Variants in MRE11 observed in about 807,000 individuals in gnomAD.
The protein encoded by MRE11 is MRE11 double strand break repair nuclease.
MRE11 carries 62 observed loss-of-function variants against 91.7 expected under a neutral mutation model. That is an observed-to-expected ratio of 0.68 (90% CI 0.55 to 0.84). The LOEUF (loss-of-function observed/expected upper bound fraction) is 0.84. MRE11 is among the 40% of genes least tolerant of loss of function. MRE11 has a pLI of 0.00. For missense variants in MRE11, 796 were observed against 852.9 expected, an observed-to-expected ratio of 0.93 and a Z score of 0.83; for synonymous variants, 273 against 271.4, an observed-to-expected ratio of 1.01 and a Z score of -0.06.
intron 4 of MRE11, among the ~76,000 whole-genome samples, chr11:94,481,538 A>G (rs1947012843): frequency 6.6e-6 from 1 of 152,208 alleles, no homozygotes; most frequent in Non-Finnish European, 1.5e-5. Context: ...TGCAAAGACA[A>G]ATGTATGAAT....
chr11:94,498,537 T>A, upstream of MRE11: 1 of 1,597,432 alleles, frequency 6.3e-7, no homozygotes, highest in Non-Finnish European at 8.5e-7. Flanking sequence ...TCTTAACAAT[T>A]CTAGTAATTT....
In MRE11 at chr11:94,470,457, T is replaced by C; in HGVS notation, c.1017+14A>G. The stretch of plus-strand genomic sequence containing the variant: ...ACTAAAGTAGATCTCATTGACTTTA[T>C]CAAAAAGAATTACCTTCTCCAAACA... On this transcript the variant is annotated intron_variant, in intron 9 of 19. Transcript: ENST00000323929. 1 of 1,610,776 alleles carries C rather than the reference T, an allele frequency of 6.2e-7. No homozygotes were observed. Among genetic ancestry groups the C allele is most frequent in the Non-Finnish European group, 8.5e-7 (1 of 1,177,620 alleles).
At chr11:94,497,057 G>T, upstream of MRE11, 1 of 1,452,686 alleles carries the variant, frequency 6.9e-7, no homozygotes, top group Non-Finnish European at 9.5e-7. Context: ...TCTCTTGATT[G>T]TGAGGACCAA....
chr11:94,503,545 C>T, the MRE11 span, among the ~76,000 whole-genome samples: 1 of 151,990 alleles, frequency 6.6e-6, no homozygotes, highest in Non-Finnish European at 1.5e-5. Context: ...AAAAAATTAG[C>T]TGGGCATGGT....
At chr11:94,506,689 A>C in the MRE11 span, among the ~76,000 whole-genome samples, 3 of 151,770 alleles carry the variant, frequency 2.0e-5, no homozygotes, top group African/African-American at 4.8e-5. Flanking sequence ...CCTGGACTCA[A>C]CTGATCCTCC....
At chr11:94,438,830 T>C (rs1945696716) in intron 16 of MRE11, among the ~76,000 whole-genome samples, 1 of 152,170 alleles carries the variant, frequency 6.6e-6, no homozygotes, top group African/African-American at 2.4e-5. Context: ...GTGTTAATAC[T>C]TCATGCAGAA....
Position 94,455,995 on chromosome 11 carries a change from C to T in MRE11, c.1563+281G>A, listed in dbSNP as rs397509429. Reference sequence around the variant, plus strand: ...CTGCAGCCTTGAACTCCTGGGCTCACGCAATCCCCTCCAACCTTAGCCTCT... The same window carrying T: ...CTGCAGCCTTGAACTCCTGGGCTCATGCAATCCCCTCCAACCTTAGCCTCT... On this transcript the variant is annotated intron_variant, in intron 14 of 19. Transcript: ENST00000323929. Among the ~76,000 whole-genome samples the T allele has an allele frequency of 1.6e-4, 25 of 152,142 alleles. No individual in the cohort carries two copies. The highest frequency in any genetic ancestry group is 3.4e-4 in the Non-Finnish European group (23 of 68,026).
At chr11:94,497,887 T>A (rs1471817109), upstream of MRE11, 1 of 556,778 alleles carries the variant, frequency 1.8e-6, no homozygotes, top group Admixed American at 3.5e-5. Flanking sequence ...ACTAACTTGT[T>A]CATTCTTAAA....
At chr11:94,505,690 TAA>T in the MRE11 span, among the ~76,000 whole-genome samples, 2 of 151,122 alleles carry the variant, frequency 1.3e-5, no homozygotes, top group Non-Finnish European at 3.0e-5. Flanking sequence ...ACAGTGTTGA[TAA>T]AGTCTATAGT....
Position 94,460,927 on chromosome 11 carries a change from A to C in MRE11, c.1326+9T>G, listed in dbSNP as rs1946396771. The C allele has an allele frequency of 1.9e-6, 3 of 1,607,664 alleles. No individual in the cohort carries two copies. The highest frequency in any genetic ancestry group is 2.6e-6 in the Non-Finnish European group (3 of 1,174,634). On this transcript the variant is annotated intron_variant, in intron 12 of 19. Coordinates refer to ENST00000323929, the MANE Select transcript of MRE11 (RefSeq NM_005591.4). Reference sequence around the variant, plus strand: ...GCCATTATTCAAAATGTGAACTGTAAGAAATTACCTTCTCTGCGGTTTGAA... The same window carrying C: ...GCCATTATTCAAAATGTGAACTGTACGAAATTACCTTCTCTGCGGTTTGAA...
intron 18 of MRE11, among the ~76,000 whole-genome samples, chr11:94,435,569 A>T (rs1300759361): frequency 1.3e-5 from 2 of 152,188 alleles, no homozygotes; most frequent in Non-Finnish European, 2.9e-5. Flanking sequence ...AAATAAATAA[A>T]TAAATAAAAA....
intron 18 of MRE11, among the ~76,000 whole-genome samples, chr11:94,432,976 A>G (rs1274800222): frequency 6.6e-6 from 1 of 152,206 alleles, no homozygotes; most frequent in South Asian, 2.1e-4. Flanking sequence ...TCCCTACAAC[A>G]CATCTGTCCT....
upstream of MRE11, chr11:94,496,892 G>C (rs747582559): frequency 4.4e-6 from 7 of 1,599,604 alleles, no homozygotes; most frequent in Non-Finnish European, 5.1e-6. Context: ...TCGATTGCAA[G>C]AAAAAAAAAT....
At chr11:94,476,266 A>T in intron 7 of MRE11, 23 bp downstream of exon 7, 1 of 1,546,734 alleles carries the variant, frequency 6.5e-7, no homozygotes, top group Non-Finnish European at 8.9e-7. Context: ...CTTGGCTCAA[A>T]CTTTTTCAGA....
intron 6 of MRE11, 117 bp from the exon 7 acceptor site, chr11:94,476,520 A>G: frequency 1.4e-6 from 1 of 697,738 alleles, no homozygotes. Context: ...GTTGGGAGAT[A>G]TATTTGAATT....
At chr11:94,457,349 G>A (rs1206963505) in intron 13 of MRE11, among the ~76,000 whole-genome samples, 1 of 152,072 alleles carries the variant, frequency 6.6e-6, no homozygotes, top group East Asian at 1.9e-4. Flanking sequence ...GGAGAGAGAA[G>A]AATGAGTCAG....
rs1266911558 is a variant in MRE11, at chr11:94,417,481, A to T, written c.*2644T>A. 2 of 232,910 alleles carry T rather than the reference A, an allele frequency of 8.6e-6. No individual in the cohort carries two copies. Among genetic ancestry groups the T allele is most frequent in the Non-Finnish European group, 1.7e-5 (2 of 117,914 alleles). The allele number at this position is 232,910 out of a possible 1,614,324, so 14.4% of individuals were successfully genotyped here. A position where few individuals can be genotyped will look rare whatever the true frequency, so the allele number is the denominator to read the frequency against. On this transcript the variant is annotated 3_prime_UTR_variant, in exon 20 of 20. Coordinates refer to ENST00000323929, the MANE Select transcript of MRE11 (RefSeq NM_005591.4). ...TATGGTATTACTGCATAGGTTTAGTATTAATGCATATGTTCTAAGTTTATT... is the reference window on the plus strand; with the variant it reads ...TATGGTATTACTGCATAGGTTTAGTTTTAATGCATATGTTCTAAGTTTATT...
chr11:94,443,301 G>A (rs920779569), intron 16 of MRE11, among the ~76,000 whole-genome samples: 4 of 152,186 alleles, frequency 2.6e-5, no homozygotes, highest in African/African-American at 2.4e-5. Flanking sequence ...GTAGAGTGCA[G>A]AGAATGTGAG....
intron 18 of MRE11, among the ~76,000 whole-genome samples, chr11:94,435,084 A>G (rs1157916306): frequency 1.3e-5 from 2 of 152,262 alleles, no homozygotes. Flanking sequence ...ACACAGGAAG[A>G]GCATGCAAGT....
Sources: allele counts gnomAD v4.1 joint callset (sites outside exome capture counted in the v4.1 genomes callset), GRCh38; gene constraint gnomAD v4.1.1; transcripts MANE v1.5; gene names NCBI Gene and HGNC (gene_info 2026-07-23, HGNC 2026-07-21).